The following AOAH variants were observed in gnomAD, a reference collection of about 807,000 sequenced individuals.
AOAH encodes the protein acyloxyacyl hydrolase.
In AOAH, 64 loss-of-function variants were observed where a neutral mutation model predicts 92.2. The ratio of observed to expected loss-of-function variants is 0.69; its 90% CI spans 0.57 to 0.86. AOAH has a LOEUF of 0.86. AOAH is among the 40% of genes least tolerant of loss of function. The pLI is 0.00. For missense variants in AOAH, 656 were observed against 694.6 expected (o/e 0.94, Z 0.62); for synonymous variants, 263 against 254.5 (o/e 1.03, Z -0.32).
intron 13 of AOAH, among the ~76,000 whole-genome samples, chr7:36,564,276 T>C (rs1004073619): frequency 1.3e-5 from 2 of 152,236 alleles, no homozygotes; most frequent in African/African-American, 2.4e-5. Flanking sequence ...GTGCTTCTTA[T>C]GTCCAGAGGC....
At chr7:36,549,633 A>G (rs1786048488) in intron 13 of AOAH, among the ~76,000 whole-genome samples, 158 bp from the exon 14 acceptor site, 1 of 152,210 alleles carries the variant, frequency 6.6e-6, no homozygotes, top group Admixed American at 6.5e-5. Flanking sequence ...TCTTCCAATC[A>G]GTTTCTGTAG....
At chr7:36,527,809 C>G (rs1443483731) in intron 19 of AOAH, among the ~76,000 whole-genome samples, 1 of 152,132 alleles carries the variant, frequency 6.6e-6, no homozygotes, top group African/African-American at 2.4e-5. Flanking sequence ...CACATCGTAC[C>G]CACATGGGGT....
chr7:36,615,903 C>T (rs182162696), intron 11 of AOAH, among the ~76,000 whole-genome samples: 16 of 150,488 alleles, frequency 1.1e-4, no homozygotes, highest in African/African-American at 4.0e-4. Flanking sequence ...TATTAAAAAA[C>T]CCTCCCAGAC....
At chr7:36,720,390 C>A (rs1799544424) in intron 1 of AOAH, among the ~76,000 whole-genome samples, 1 of 151,596 alleles carries the variant, frequency 6.6e-6, no homozygotes, top group East Asian at 1.9e-4. Flanking sequence ...CCAGGCAGGT[C>A]TCAATCTGCT....
chr7:36,553,665 T>G (rs556073884), intron 13 of AOAH, among the ~76,000 whole-genome samples: 2,401 of 152,146 alleles, frequency 0.016, 56 homozygotes, highest in African/African-American at 0.054. Flanking sequence ...CCTGACTTTT[T>G]AATGATCGCC....
At chr7:36,660,839 A>T (rs1007803597) in intron 3 of AOAH, among the ~76,000 whole-genome samples, 21 of 152,238 alleles carry the variant, frequency 1.4e-4, no homozygotes, top group African/African-American at 5.1e-4. Context: ...CTCTTATTAC[A>T]TTTTGAAGCA....
intron 1 of AOAH, among the ~76,000 whole-genome samples, chr7:36,688,872 C>T (rs1340058404): frequency 1.3e-5 from 2 of 151,692 alleles, no homozygotes; most frequent in African/African-American, 2.4e-5. Flanking sequence ...TATCTATACA[C>T]ATGTATATGG....
chr7:36,621,748 G>T lies in AOAH; in HGVS notation c.615C>A (p.Asp205Glu), dbSNP rs1446833696. ...ACACTGACTCGTCGCTGTCATTACA[G>T]TCTCTCCCCCGCCAGTGATAGCCCC... ...TLRGYHWRGR[D>E]CNDSDESVYP... Residue 205 changes from aspartate (D) to glutamate (E), a missense_variant, in exon 8 of 21, where the codon GAC becomes GAA. Asp to Glu is a conservative substitution (Grantham distance 45). Coordinates refer to ENST00000617537, the MANE Select transcript of AOAH (RefSeq NM_001637.4). The T allele has an allele frequency of 6.2e-7, 1 of 1,613,966 alleles. No homozygotes were observed. The highest frequency in any genetic ancestry group is 1.3e-5 in the African/African-American group (1 of 74,904).
intron 6 of AOAH, among the ~76,000 whole-genome samples, chr7:36,630,087 C>G (rs1189288925): frequency 6.6e-6 from 1 of 152,136 alleles, no homozygotes; most frequent in Non-Finnish European, 1.5e-5. Context: ...GCAAGGTATG[C>G]CAACGCCTCA....
At chr7:36,668,248 G>C (rs1337352052) in intron 3 of AOAH, among the ~76,000 whole-genome samples, 1 of 152,120 alleles carries the variant, frequency 6.6e-6, no homozygotes, top group Non-Finnish European at 1.5e-5. Flanking sequence ...TGAACTCTTG[G>C]AGGTAAAACT....
At chr7:36,559,562 G>C (rs1787103302) in intron 13 of AOAH, among the ~76,000 whole-genome samples, 1 of 151,966 alleles carries the variant, frequency 6.6e-6, no homozygotes, top group Admixed American at 6.6e-5. Context: ...AGAAGTATCT[G>C]TTCATGTCTT....
chr7:36,723,564 G>C (rs115444241), intron 1 of AOAH, among the ~76,000 whole-genome samples: 1 of 152,142 alleles, frequency 6.6e-6, no homozygotes, highest in Non-Finnish European at 1.5e-5. Flanking sequence ...ACTCACTTCA[G>C]TTCACCAATA....
intron 11 of AOAH, among the ~76,000 whole-genome samples, chr7:36,612,711 T>G (rs2115901512): frequency 6.6e-6 from 1 of 152,346 alleles, no homozygotes; most frequent in East Asian, 1.9e-4. Flanking sequence ...TTAACATGCC[T>G]ATTTCACCAT....
At chr7:36,661,625 T>A (rs1795218190) in intron 3 of AOAH, among the ~76,000 whole-genome samples, 1 of 152,140 alleles carries the variant, frequency 6.6e-6, no homozygotes, top group African/African-American at 2.4e-5. Flanking sequence ...ACACCTCTCT[T>A]CTCTCCCTGA....
chr7:36,530,791 A>T, intron 18 of AOAH: 1 of 302,978 alleles, frequency 3.3e-6, no homozygotes, highest in Admixed American at 4.7e-5. Flanking sequence ...GATAACCATG[A>T]TATTGAATGT....
intron 16 of AOAH, among the ~76,000 whole-genome samples, chr7:36,534,023 C>T (rs535949695): frequency 3.3e-5 from 5 of 152,098 alleles, no homozygotes; most frequent in African/African-American, 4.8e-5. Context: ...CCCTGAGGGG[C>T]GGCATCTCTC....
chr7:36,619,530 G>A (rs1381925162), intron 9 of AOAH, among the ~76,000 whole-genome samples: 1 of 152,142 alleles, frequency 6.6e-6, no homozygotes, highest in Non-Finnish European at 1.5e-5. Context: ...CTAAACCTGG[G>A]TTTTTCAGAA....
chr7:36,653,952 C>G lies in AOAH; in HGVS notation c.390+5214G>C, dbSNP rs553565530. 1.8e-3 allele frequency among the ~76,000 whole-genome samples: 268 copies of G among 152,262 alleles called. 2 individuals carry two copies. The highest frequency in any genetic ancestry group is 2.8e-3 in the Non-Finnish European group (188 of 68,026). On this transcript the variant is annotated intron_variant, in intron 4 of 20. Coordinates refer to ENST00000617537, the MANE Select transcript of AOAH (RefSeq NM_001637.4). ...TCAAGCAGGGGCTCATGCAATGTAA[C>G]ATTCTGATCCAAAAAATAGAGCTTT...
rs115601962 is a variant in AOAH, at chr7:36,535,291, G to A, written c.1307-2947C>T. Reference sequence around the variant, plus strand: ...CCTAGCTGGCTTAGTGACGGTTTGCGTCTTCATAATCTGTAACTTCTTTAG... The same window carrying A: ...CCTAGCTGGCTTAGTGACGGTTTGCATCTTCATAATCTGTAACTTCTTTAG... On this transcript the variant is annotated intron_variant, in intron 16 of 20. Transcript: ENST00000617537. Among the ~76,000 whole-genome samples, 430 of 152,238 alleles carry A rather than the reference G, an allele frequency of 2.8e-3. 3 individuals are homozygous for A. The highest frequency in any genetic ancestry group is 9.8e-3 in the African/African-American group (408 of 41,522).
Sources: gnomAD v4.1 joint callset for allele counts (sites outside exome capture counted in the v4.1 genomes callset) on GRCh38, gnomAD v4.1.1 for gene constraint, MANE v1.5 for transcripts, NCBI Gene and HGNC (gene_info 2026-07-23, HGNC 2026-07-21) for gene names.